ABCB9: variants seen among roughly 807,000 people sequenced by gnomAD.
ABCB9 encodes the protein ABC-type oligopeptide transporter ABCB9.
ABCB9 carries 36 observed loss-of-function variants against 62.0 expected under a neutral mutation model. The observed-to-expected ratio is 0.58, with a 90% confidence interval of 0.45 to 0.77. The LOEUF (loss-of-function observed/expected upper bound fraction) is 0.77. Ranked by LOEUF, ABCB9 falls within the 30% of genes least tolerant of loss-of-function variation. The pLI, the probability that ABCB9 is intolerant of heterozygous loss-of-function variation, is 0.00. For synonymous variants in ABCB9, 435 were observed against 461.4 expected (o/e 0.94, Z 0.73); for missense variants, 943 against 1,054.7 (o/e 0.89, Z 1.47).
intron 1 of ABCB9, chr12:122,974,543 T>A (rs1309266649): frequency 6.6e-6 from 1 of 152,222 alleles, no homozygotes; most frequent in Non-Finnish European, 1.5e-5. Flanking sequence ...GCTGGTAGAT[T>A]CCTGAGCAAA....
intron 9 of ABCB9, among the ~76,000 whole-genome samples, chr12:122,936,274 A>G (rs896927777): frequency 6.6e-6 from 1 of 152,150 alleles, no homozygotes; most frequent in African/African-American, 2.4e-5. Flanking sequence ...ATATTGATAT[A>G]TTTCTATAAA....
At chr12:122,945,005 A>G (rs893552616) in intron 6 of ABCB9, among the ~76,000 whole-genome samples, 7 of 152,040 alleles carry the variant, frequency 4.6e-5, no homozygotes, top group African/African-American at 1.7e-4. Context: ...GAGTCTGAGT[A>G]CCCATGGCAG....
Position 122,964,235 on chromosome 12 carries a change from C to T in ABCB9, c.-88+2052G>A, listed in dbSNP as rs145040824. ...CCAGGGGCTTGGCTGACTCTCCCAA[C>T]CTGACTCCCAGCCTCTGGGGGAATT... is the stretch of plus-strand genomic sequence containing the variant. On this transcript the variant is annotated intron_variant, in intron 1 of 11. Transcript: ENST00000280560. The surrounding 1 kb of genome is among the most constrained non-coding windows in gnomAD (Gnocchi z 4.7). 8.3e-3 allele frequency among the ~76,000 whole-genome samples: 1,270 copies of T among 152,322 alleles called. 23 individuals are homozygous for T. The highest frequency in any genetic ancestry group is 0.01 in the Middle Eastern group (3 of 294).
chr12:122,947,018 T>C lies in ABCB9; in HGVS notation c.1054-796A>G, dbSNP rs1459840931. Among the ~76,000 whole-genome samples the C allele has an allele frequency of 6.6e-6, 1 of 152,244 alleles. No individual in the cohort carries two copies. Among genetic ancestry groups the C allele is most frequent in the Non-Finnish European group, 1.5e-5 (1 of 68,054 alleles). ...AGCATGCAGGGTGCCTGAGTCATGT[T>C]TGGCCATGGGCGGTGTGTGTGGTTT... On this transcript the variant is annotated intron_variant, in intron 5 of 11. Transcript: ENST00000280560. The surrounding 1 kb of genome is among the most constrained non-coding windows in gnomAD (Gnocchi z 6.0).
chr12:122,949,383 C>T (rs2036230630), intron 4 of ABCB9: 2 of 196,270 alleles, frequency 1.0e-5, no homozygotes, highest in South Asian at 2.2e-4. Flanking sequence ...CGGTGTCTCT[C>T]AGAGCTTGGA....
chr12:122,928,586 G>C (rs1332106569), downstream of ABCB9, among the ~76,000 whole-genome samples: 1 of 152,104 alleles, frequency 6.6e-6, no homozygotes, highest in East Asian at 1.9e-4. Context: ...GGGTCTTCCT[G>C]TGTCCGGGCC....
intron 7 of ABCB9, 61 bp from the exon 8 acceptor site, chr12:122,941,056 G>C: frequency 1.3e-6 from 2 of 1,488,914 alleles, no homozygotes; most frequent in Middle Eastern, 1.8e-4. Context: ...ACCCACCCCT[G>C]CTACTAGAGA....
intron 7 of ABCB9, among the ~76,000 whole-genome samples, chr12:122,943,896 C>T (rs1467131595): frequency 6.6e-6 from 1 of 152,144 alleles, no homozygotes; most frequent in Non-Finnish European, 1.5e-5. Flanking sequence ...TAGCCTCAGC[C>T]TCCTGAGGAC....
rs368205336 is a variant in ABCB9, at chr12:122,929,383, G to T, written c.*528C>A. 1 of 986,220 alleles carries T rather than the reference G, an allele frequency of 1.0e-6. No individual in the cohort carries two copies. The allele number at this position is 986,220 out of a possible 1,614,324, so 61.1% of individuals were successfully genotyped here. A position where few individuals can be genotyped will look rare whatever the true frequency, so the allele number is the denominator to read the frequency against. The stretch of plus-strand genomic sequence containing the variant: ...CGCCCTGGCCAGACTCACAGAGCTG[G>T]CAAGAGGGAGAGACGGAAAATCCCG... On this transcript the variant is annotated 3_prime_UTR_variant, in exon 12 of 12. Coordinates refer to ENST00000280560, the MANE Select transcript of ABCB9 (RefSeq NM_019625.4). This position sits in a 1 kb window ranked among gnomAD's most constrained non-coding sequence, Gnocchi z 6.0.
chr12:122,954,555 C>T (rs372737651), intron 2 of ABCB9, among the ~76,000 whole-genome samples: 11 of 152,102 alleles, frequency 7.2e-5, no homozygotes, highest in Admixed American at 5.2e-4. Context: ...TGCAGTGGCA[C>T]GATATCAGCT....
At chr12:122,965,377 T>C (rs924123322) in intron 1 of ABCB9, among the ~76,000 whole-genome samples, 3 of 152,200 alleles carry the variant, frequency 2.0e-5, no homozygotes, top group African/African-American at 7.2e-5. Context: ...GCCCATTCCA[T>C]TCGCTGCGCA....
intron 1 of ABCB9, among the ~76,000 whole-genome samples, chr12:122,965,103 C>T (rs1161874645): frequency 6.6e-6 from 1 of 152,190 alleles, no homozygotes; most frequent in African/African-American, 2.4e-5. Flanking sequence ...GCCAGGCCTC[C>T]CCACTTCCCT....
At chr12:122,961,643 G>A (rs964523279) in intron 1 of ABCB9, among the ~76,000 whole-genome samples, 20 of 152,226 alleles carry the variant, frequency 1.3e-4, no homozygotes, top group African/African-American at 4.6e-4. Flanking sequence ...CAAGGCAGGA[G>A]TGCCCCTTGG....
Position 122,929,088 on chromosome 12 carries a change from C to T in ABCB9, c.*823G>A. 2.0e-6 allele frequency: 2 copies of T among 985,914 alleles called. No individual in the cohort carries two copies. Among genetic ancestry groups the T allele is most frequent in the Non-Finnish European group, 1.2e-6 (1 of 830,034 alleles). The allele number at this position is 985,914 out of a possible 1,614,324, so 61.1% of individuals were successfully genotyped here. A position where few individuals can be genotyped will look rare whatever the true frequency, so the allele number is the denominator to read the frequency against. On this transcript the variant is annotated 3_prime_UTR_variant, in exon 12 of 12. Coordinates refer to ENST00000280560, the MANE Select transcript of ABCB9 (RefSeq NM_019625.4). This position sits in a 1 kb window ranked among gnomAD's most constrained non-coding sequence, Gnocchi z 6.0. ...TCCTGGGCTTTGCCACCATCCCATC[C>T]ACCAAAGACAGAAGAGAATGCATCT...
chr12:122,962,726 AG>A (rs536770113), intron 1 of ABCB9, among the ~76,000 whole-genome samples: 75 of 152,234 alleles, frequency 4.9e-4, no homozygotes, highest in Non-Finnish European at 1.0e-3. Flanking sequence ...ACAAGCAGAC[AG>A]GGATGTAACA....
downstream of ABCB9, among the ~76,000 whole-genome samples, chr12:122,918,743 C>T (rs2034681914): frequency 6.6e-6 from 1 of 152,100 alleles, no homozygotes; most frequent in African/African-American, 2.4e-5. Context: ...CAGGCATGAG[C>T]CATTGCACCT....
At chr12:122,948,946 GC>G in intron 4 of ABCB9, 117 bp from the exon 5 acceptor site, 4 of 827,098 alleles carry the variant, frequency 4.8e-6, no homozygotes, top group Non-Finnish European at 5.3e-6. Context: ...CTACCTGTGG[GC>G]GGGGTTGGGG....
chr12:122,924,663 T>C, downstream of ABCB9: 1 of 1,498,226 alleles, frequency 6.7e-7, no homozygotes, highest in East Asian at 2.5e-5. Flanking sequence ...AACTAAGTCC[T>C]GGCGCCAGGA....
intron 11 of ABCB9, among the ~76,000 whole-genome samples, chr12:122,921,651 C>T (rs977270230): frequency 3.9e-5 from 6 of 151,968 alleles, no homozygotes; most frequent in Admixed American, 3.9e-4. Flanking sequence ...GTGGCACATG[C>T]CTGTAATCCC....
Sources: gnomAD v4.1 joint callset for allele counts (sites outside exome capture counted in the v4.1 genomes callset) on GRCh38, gnomAD v4.1.1 for gene constraint, Gnocchi (gnomAD v3.1) non-coding constraint, MANE v1.5 for transcripts, NCBI Gene and HGNC (gene_info 2026-07-23, HGNC 2026-07-21) for gene names.